Variants in DNAH7 observed in about 807,000 individuals in gnomAD.
The protein encoded by DNAH7 is axonemal beta dynein heavy chain 7.
In DNAH7, 397 loss-of-function variants were observed where a neutral mutation model predicts 444.6. That is an observed-to-expected ratio of 0.89 (90% CI 0.82 to 0.97). The LOEUF (loss-of-function observed/expected upper bound fraction) is 0.97. Ranked by LOEUF, DNAH7 falls within the 50% of genes least tolerant of loss-of-function variation. The pLI, the probability that DNAH7 is intolerant of heterozygous loss-of-function variation, is 0.00. For synonymous variants in DNAH7, 1,636 were observed against 1,624.4 expected (o/e 1.01, Z -0.17); for missense variants, 4,902 against 4,800.8 (o/e 1.02, Z -0.62).
intron 15 of DNAH7, among the ~76,000 whole-genome samples, chr2:195,972,915 A>G (rs1159898523): frequency 3.3e-5 from 5 of 152,244 alleles, no homozygotes; most frequent in African/African-American, 7.2e-5. Context: ...AATAACCACC[A>G]GAACAAATGT....
Position 195,864,693 on chromosome 2 carries a change from T to C in DNAH7, c.6962A>G (p.Glu2321Gly), listed in dbSNP as rs1700216848. The part of the protein sequence containing the change: ...MNLVLFRFAI[E>G]HISRISRILK... ...GATCCTGGAAATTCTGCTGATGTGC[T>C]CTATGGCAAATCGAAACAAGACAAG... Residue 2321 changes from glutamate to glycine, a missense_variant, in exon 41 of 65, where the codon GAG becomes GGG. Coordinates refer to ENST00000312428, the MANE Select transcript of DNAH7 (RefSeq NM_018897.3). The C allele has an allele frequency of 6.2e-7, 1 of 1,614,220 alleles. No homozygotes were observed. The highest frequency in any genetic ancestry group is 8.5e-7 in the Non-Finnish European group (1 of 1,180,044).
chr2:195,818,686 C>T (rs556467271), intron 49 of DNAH7, among the ~76,000 whole-genome samples: 14 of 152,068 alleles, frequency 9.2e-5, no homozygotes, highest in Non-Finnish European at 1.9e-4. Context: ...CAATCTGCTC[C>T]CTGCCCTGCC....
At chr2:196,061,594 A>C (rs1698137333) in intron 1 of DNAH7, among the ~76,000 whole-genome samples, 1 of 152,190 alleles carries the variant, frequency 6.6e-6, no homozygotes, top group Admixed American at 6.5e-5. Flanking sequence ...ATTCAGTAGT[A>C]AACCCTTTGA....
At position 196,012,885 on chromosome 2, in the gene DNAH7, G is replaced by A; in HGVS notation, c.891C>T (p.Ile297=). The change falls in exon 10 of 65, where the codon ATC becomes ATT. Residue 297 remains isoleucine (I), a synonymous_variant. Coordinates refer to ENST00000312428, the MANE Select transcript of DNAH7 (RefSeq NM_018897.3). Reference sequence around the variant, plus strand: ...CATCCTGGCAATTATGAAATTCTTTGATATCAACTAAACGTAATTTTCTGC... The same window carrying A: ...CATCCTGGCAATTATGAAATTCTTTAATATCAACTAAACGTAATTTTCTGC... ...TNFKKLRLVD[I]KEFHNCQDAL... is the part of the protein sequence containing the mutation. 2 of 1,513,958 alleles carry A rather than the reference G, an allele frequency of 1.3e-6. No homozygotes were observed. The highest frequency in any genetic ancestry group is 1.8e-6 in the Non-Finnish European group (2 of 1,132,266). The allele number at this position is 1,513,958 out of a possible 1,614,324, so 93.8% of individuals were successfully genotyped here. A position where few individuals can be genotyped will look rare whatever the true frequency, so the allele number is the denominator to read the frequency against.
At chr2:196,041,587 C>A (rs1455571200) in intron 5 of DNAH7, among the ~76,000 whole-genome samples, 2 of 151,982 alleles carry the variant, frequency 1.3e-5, no homozygotes, top group African/African-American at 4.8e-5. Context: ...AAATCTAAGA[C>A]CTGAAACTAT....
At chr2:195,969,033 A>T (rs538753775) in intron 17 of DNAH7, among the ~76,000 whole-genome samples, 10 of 152,308 alleles carry the variant, frequency 6.6e-5, no homozygotes, top group Admixed American at 2.0e-4. Context: ...GCGTTTCAAG[A>T]CTGTTTTTCC....
intron 47 of DNAH7, among the ~76,000 whole-genome samples, chr2:195,837,805 C>T (rs539126540): frequency 1.4e-4 from 22 of 152,184 alleles, no homozygotes; most frequent in African/African-American, 5.1e-4. Flanking sequence ...AAAAAAGAGG[C>T]CCCTGTTGTA....
chr2:195,929,589 C>T (rs917965703), intron 21 of DNAH7, among the ~76,000 whole-genome samples: 18 of 152,212 alleles, frequency 1.2e-4, no homozygotes, highest in African/African-American at 4.3e-4. Context: ...CCCATCTGCT[C>T]TTTGACAAAG....
intron 61 of DNAH7, among the ~76,000 whole-genome samples, chr2:195,763,171 G>C (rs945583657): frequency 1.3e-5 from 2 of 152,038 alleles, no homozygotes; most frequent in Non-Finnish European, 2.9e-5. Context: ...CATGATAATG[G>C]AAATGCAACA....
intron 20 of DNAH7, 32 bp from the exon 21 acceptor site, chr2:195,934,821 C>A: frequency 1.9e-6 from 3 of 1,609,252 alleles, no homozygotes; most frequent in Non-Finnish European, 2.5e-6. Context: ...AGATAATTAA[C>A]CAAGTTAAAA....
At chr2:195,867,297 C>T (rs1700402089) in intron 40 of DNAH7, among the ~76,000 whole-genome samples, 1 of 152,238 alleles carries the variant, frequency 6.6e-6, no homozygotes, top group East Asian at 1.9e-4. Flanking sequence ...CTATCACCAC[C>T]TCTCACATTT....
intron 19 of DNAH7, among the ~76,000 whole-genome samples, chr2:195,950,620 G>A (rs868656218): frequency 1.3e-4 from 20 of 151,814 alleles, no homozygotes; most frequent in Middle Eastern, 6.8e-3. Flanking sequence ...AGGCTGAAGC[G>A]GGCAGATCAC....
chr2:195,741,376 T>C (rs142814617), intron 63 of DNAH7, among the ~76,000 whole-genome samples: 206 of 152,344 alleles, frequency 1.4e-3, no homozygotes, highest in East Asian at 2.3e-3. Flanking sequence ...CCTTAGTCTG[T>C]TGATGATGAA....
At chr2:195,775,441 A>G (rs1392804328) in intron 60 of DNAH7, among the ~76,000 whole-genome samples, 1 of 152,186 alleles carries the variant, frequency 6.6e-6, no homozygotes, top group Admixed American at 6.5e-5. Context: ...ATACTAGGGG[A>G]CTGGAAAATA....
intron 19 of DNAH7, among the ~76,000 whole-genome samples, chr2:195,953,637 AG>A (rs2125494348): frequency 6.6e-6 from 1 of 152,304 alleles, no homozygotes; most frequent in African/African-American, 2.4e-5. Context: ...CCCTGCCCAG[AG>A]AGGAGGAATC....
chr2:195,793,675 C>T (rs1024473154), intron 57 of DNAH7, among the ~76,000 whole-genome samples: 1 of 152,108 alleles, frequency 6.6e-6, no homozygotes, highest in African/African-American at 2.4e-5. Flanking sequence ...TTAATGTTTT[C>T]CTTTGATGTG....
chr2:195,869,121 A>C (rs1700523854), intron 40 of DNAH7, among the ~76,000 whole-genome samples: 1 of 151,898 alleles, frequency 6.6e-6, no homozygotes, highest in Non-Finnish European at 1.5e-5. Context: ...GTGAAAGTGA[A>C]GAAAAGGGGG....
At chr2:196,029,956 T>C (rs988426090) in intron 5 of DNAH7, among the ~76,000 whole-genome samples, 1 of 152,078 alleles carries the variant, frequency 6.6e-6, no homozygotes, top group African/African-American at 2.4e-5. Flanking sequence ...AAAATGGTAG[T>C]GAAATAATTT....
At chr2:195,812,086 C>G (rs1178866463) in intron 51 of DNAH7, among the ~76,000 whole-genome samples, 1 of 152,100 alleles carries the variant, frequency 6.6e-6, no homozygotes, top group Non-Finnish European at 1.5e-5. Context: ...TCACCTAGAC[C>G]AGCAACTCCT....
Sources: allele counts gnomAD v4.1 joint callset (sites outside exome capture counted in the v4.1 genomes callset), GRCh38; gene constraint gnomAD v4.1.1; transcripts MANE v1.5; gene names NCBI Gene and HGNC (gene_info 2026-07-23, HGNC 2026-07-21).